Variants in CRNKL1 observed in about 807,000 individuals in gnomAD.
CRNKL1 encodes crooked neck pre-mRNA splicing factor 1.
In CRNKL1, 35 loss-of-function variants were observed where a neutral mutation model predicts 103.7. That is an observed-to-expected ratio of 0.34 (90% CI 0.26 to 0.45). The LOEUF (loss-of-function observed/expected upper bound fraction) is 0.45. Among genes scored for constraint, CRNKL1 ranks in the 20% least tolerant of loss-of-function variants. The pLI is 1.00. For synonymous variants in CRNKL1, 267 were observed against 282.6 expected (o/e 0.94, Z 0.55); for missense variants, 645 against 836.0 (o/e 0.77, Z 2.82).
At chr20:20,050,218 ACTT>A (rs2043665683) in intron 2 of CRNKL1, among the ~76,000 whole-genome samples, 1 of 152,210 alleles carries the variant, frequency 6.6e-6, no homozygotes, top group Non-Finnish European at 1.5e-5. Context: ...CATCTGCTAA[ACTT>A]CCGCTCACTT....
At chr20:20,049,555 T>A (rs1373758218) in intron 2 of CRNKL1, 124 bp from the exon 3 acceptor site, 1 of 586,698 alleles carries the variant, frequency 1.7e-6, no homozygotes, top group Non-Finnish European at 3.0e-6. Flanking sequence ...AGAAATTACA[T>A]CCTGGAATCC....
chr20:20,038,585 T>A (rs772245257), intron 11 of CRNKL1, 135 bp from the exon 12 acceptor site: 22 of 569,310 alleles, frequency 3.9e-5, no homozygotes, highest in Non-Finnish European at 6.2e-5. Flanking sequence ...AGAACACATG[T>A]GGATAAGATA....
chr20:20,038,248 A>AC, intron 12 of CRNKL1, 101 bp downstream of exon 12: 3 of 718,490 alleles, frequency 4.2e-6, no homozygotes, highest in Admixed American at 3.1e-5. Context: ...TAAAAAAAAA[A>AC]AAAAAACAAA....
chr20:20,049,980 G>A (rs573996202), intron 2 of CRNKL1, among the ~76,000 whole-genome samples: 9 of 152,220 alleles, frequency 5.9e-5, no homozygotes, highest in Admixed American at 1.3e-4. Flanking sequence ...ACCACGCCTG[G>A]CTAATTTTTG....
Position 20,035,895 on chromosome 20 carries a change from A to G in CRNKL1, c.*300T>C, listed in dbSNP as rs1052237905. 10 of 246,752 alleles carry G rather than the reference A, an allele frequency of 4.1e-5. No homozygotes were observed. The highest frequency in any genetic ancestry group is 3.5e-4 in the Admixed American group (7 of 20,068). The allele number at this position is 246,752 out of a possible 1,614,324, so 15.3% of individuals were successfully genotyped here. On this transcript the variant is annotated 3_prime_UTR_variant, in exon 14 of 14. Transcript: ENST00000536226. ...GAATGCATAAACTATCTTTATGGGT[A>G]TGACATGAAAAGTAACTGTAGAATG...
rs1431424360 is a variant in CRNKL1 at position 20,039,734 on chromosome 20, A to C, written c.1420T>G (p.Phe474Val). 2 of 1,614,066 alleles carry C rather than the reference A, an allele frequency of 1.2e-6. No individual in the cohort carries two copies. Among genetic ancestry groups the C allele is most frequent in the Non-Finnish European group, 1.7e-6 (2 of 1,180,038 alleles). ...CRKLYEKFLE[F>V]GPENCTSWIK... The stretch of plus-strand genomic sequence containing the variant: ...CATGAGGTACAATTTTCAGGTCCAA[A>C]TTCCAGGAACTTTTCATAAAGCTTC... Residue 474 changes from phenylalanine (F) to valine (V), a missense_variant, in exon 11 of 14, where the codon TTT (phenylalanine) becomes GTT (valine). Phe to Val is a conservative substitution (Grantham distance 50, BLOSUM62 -1). Around this residue, in one of 2 missense-constraint regions of CRNKL1, gnomAD observed 582 missense variants for 707.7 expected, o/e 0.82. Coordinates refer to ENST00000536226, the MANE Select transcript of CRNKL1 (RefSeq NM_001278628.2).
At chr20:20,051,586 T>A (rs2043735109) in intron 1 of CRNKL1, among the ~76,000 whole-genome samples, 1 of 152,222 alleles carries the variant, frequency 6.6e-6, no homozygotes, top group Admixed American at 6.5e-5. Flanking sequence ...TATGCATTAC[T>A]CCTGCGAGTC....
At chr20:20,048,187 G>A (rs148533455) in intron 4 of CRNKL1, among the ~76,000 whole-genome samples, 156 bp downstream of exon 4, 126 of 152,206 alleles carry the variant, frequency 8.3e-4, no homozygotes, top group African/African-American at 2.9e-3. Context: ...AGAACATTAC[G>A]ATTATGACTT....
intron 11 of CRNKL1, 156 bp from the exon 12 acceptor site, chr20:20,038,606 G>T: frequency 1.9e-6 from 1 of 525,292 alleles, no homozygotes; most frequent in Non-Finnish European, 3.3e-6. Flanking sequence ...AATAACATTG[G>T]TATCTATAAG....
In CRNKL1 at chr20:20,052,331, G is replaced by A. The variant is rs748479342; in HGVS notation, c.12C>T (p.Ser4=). The A allele has an allele frequency of 1.2e-5, 19 of 1,612,798 alleles. No individual in the cohort carries two copies. The Admixed American group carries it at 2.5e-4, about 21-fold the overall frequency. Residue 4 remains serine, a synonymous_variant, in exon 1 of 14, where the codon TCC becomes TCT. Transcript: ENST00000536226. ...GAATCCGCTGCTTCCCGGCCGCGGT[G>A]GAGGCCGCCATGTCTGCAGCAGTCG... The part of the protein sequence containing the change: MAA[S]TAAGKQRIPK...
In CRNKL1 at chr20:20,039,674, C is replaced by A; in HGVS notation, c.1480G>T (p.Asp494Tyr). The A allele has an allele frequency of 6.2e-7, 1 of 1,614,180 alleles. No homozygotes were observed. Among genetic ancestry groups the A allele is most frequent in the South Asian group, 1.1e-5 (1 of 91,082 alleles). Residue 494 changes from aspartate (D) to tyrosine (Y), a missense_variant, in exon 11 of 14, where the codon GAT (aspartate) becomes TAT (tyrosine). By Grantham distance (160) the Asp-to-Tyr change is radical. This residue lies in a region of CRNKL1 where 582 missense variants were observed against 707.7 expected (regional missense o/e 0.82). Transcript: ENST00000536226. ...TAGATTGCCCGTGCTCTGTCAATAT[C>A]ACCAAGGATTGTCTCTAATTCAGCG... ...KFAELETILGDIDRARAIYEL... is the reference protein window; with the variant it reads ...KFAELETILGYIDRARAIYEL...
chr20:20,050,461 C>T lies in CRNKL1; in HGVS notation c.204+9G>A. ...AATTAGTGGACTGAAAGATACCACA[C>T]TGACTGACCTTCCTTTTCCTTAGTT... On this transcript the variant is annotated intron_variant, in intron 2 of 13. Transcript: ENST00000536226. 2 of 1,611,446 alleles carry T rather than the reference C, an allele frequency of 1.2e-6. No individual in the cohort carries two copies. The highest frequency in any genetic ancestry group is 1.7e-6 in the Non-Finnish European group (2 of 1,178,770).
At chr20:20,045,206 C>G in intron 6 of CRNKL1, 102 bp downstream of exon 6, 1 of 972,284 alleles carries the variant, frequency 1.0e-6, no homozygotes, top group Non-Finnish European at 1.5e-6. Flanking sequence ...AAACATCTTT[C>G]CAGGGATATG....
At chr20:20,039,035 G>A (rs904184936) in intron 11 of CRNKL1, among the ~76,000 whole-genome samples, 4 of 152,136 alleles carry the variant, frequency 2.6e-5, no homozygotes, top group Non-Finnish European at 5.9e-5. Context: ...GCAATCAGGG[G>A]GCCAAACCAT....
rs1371354826 is a variant in CRNKL1, at chr20:20,035,949, A to G, written c.*246T>C. 1 of 424,500 alleles carries G rather than the reference A, an allele frequency of 2.4e-6. No individual in the cohort carries two copies. The highest frequency in any genetic ancestry group is 2.0e-5 in the African/African-American group (1 of 49,476). 26.3% of individuals were successfully genotyped at this position (424,500 alleles called of 1,614,324 possible). A position where few individuals can be genotyped will look rare whatever the true frequency, so the allele number is the denominator to read the frequency against. Reference sequence around the variant, plus strand: ...CCTTAATTACATTTCCTAATGCATGATGTGGACAGACATTAGAAAAGTTTG... The same window carrying G: ...CCTTAATTACATTTCCTAATGCATGGTGTGGACAGACATTAGAAAAGTTTG... On this transcript the variant is annotated 3_prime_UTR_variant, in exon 14 of 14. Coordinates refer to ENST00000536226, the MANE Select transcript of CRNKL1 (RefSeq NM_001278628.2).
At chr20:20,042,601 G>T (rs1362190323) in intron 7 of CRNKL1, 85 bp from the exon 8 acceptor site, 2 of 1,269,054 alleles carry the variant, frequency 1.6e-6, no homozygotes, top group South Asian at 1.5e-5. Flanking sequence ...AAGGCATCAG[G>T]CTGACTTTCT....
intron 5 of CRNKL1, among the ~76,000 whole-genome samples, chr20:20,045,822 T>C (rs2043584949): frequency 6.6e-6 from 1 of 152,214 alleles, no homozygotes; most frequent in African/African-American, 2.4e-5. Flanking sequence ...AGCTGTTTCA[T>C]TTGTAAACAG....
rs2043396183 is a variant in CRNKL1 at position 20,034,948 on chromosome 20, G to T, written c.*1247C>A. On this transcript the variant is annotated 3_prime_UTR_variant, in exon 14 of 14. Transcript: ENST00000536226. ...CCTTAAAAATACAGTTCTAGTCCTT[G>T]GGCAGTGAACAAAGAAAAAATGTGC... The T allele has an allele frequency of 1.3e-5, 2 of 152,150 alleles. No individual in the cohort carries two copies. The highest frequency in any genetic ancestry group is 2.9e-5 in the Non-Finnish European group (2 of 68,028). 9.4% of individuals were successfully genotyped at this position (152,150 alleles called of 1,614,324 possible). A position where few individuals can be genotyped will look rare whatever the true frequency, so the allele number is the denominator to read the frequency against.
At chr20:20,052,469 C>G (rs201634961), upstream of CRNKL1, 43 of 1,614,112 alleles carry the variant, frequency 2.7e-5, no homozygotes, top group South Asian at 4.1e-4. Flanking sequence ...GCGGAACTTG[C>G]AGGACTGACC....
Sources: allele counts gnomAD v4.1 joint callset (sites outside exome capture counted in the v4.1 genomes callset), GRCh38; gene constraint gnomAD v4.1.1; regional missense constraint gnomAD v4.1.1; transcripts MANE v1.5; gene names NCBI Gene and HGNC (gene_info 2026-07-23, HGNC 2026-07-21).